Variants in NEGR1 observed in about 807,000 individuals in gnomAD.
NEGR1 encodes neuronal growth regulator 1, also known as IgLON family member 4.
Under a neutral mutation model 40.9 loss-of-function variants are expected in NEGR1, and 10 were observed. The observed-to-expected ratio is 0.24, with a 90% CI of 0.15 to 0.42. NEGR1 has a LOEUF of 0.42. NEGR1 is among the 10% of genes least tolerant of loss of function. The pLI is 1.00. For missense variants in NEGR1, 352 were observed against 438.9 expected (o/e 0.80, Z 1.77); for synonymous variants, 185 against 166.8 (o/e 1.11, Z -0.84).
chr1:71,804,447 T>TA (rs1657678382), intron 2 of NEGR1, among the ~76,000 whole-genome samples: 1 of 150,178 alleles, frequency 6.7e-6, no homozygotes, highest in Non-Finnish European at 1.5e-5. Context: ...ACATGTGGAA[T>TA]CACAGTGTTG....
chr1:71,938,848 G>A (rs1241662941), intron 1 of NEGR1, among the ~76,000 whole-genome samples: 2 of 152,072 alleles, frequency 1.3e-5, no homozygotes, highest in Non-Finnish European at 2.9e-5. Context: ...GGATTATTGA[G>A]ATTCTCTGAG....
At chr1:71,535,136 T>A (rs926182610) in intron 6 of NEGR1, among the ~76,000 whole-genome samples, 2 of 151,666 alleles carry the variant, frequency 1.3e-5, no homozygotes, top group Non-Finnish European at 3.0e-5. Flanking sequence ...AAGCATAAAA[T>A]GGCTTGAAAG....
chr1:71,442,568 T>A (rs941218624), intron 6 of NEGR1, among the ~76,000 whole-genome samples: 12 of 152,154 alleles, frequency 7.9e-5, no homozygotes, highest in Non-Finnish European at 1.5e-4. Flanking sequence ...GAGCCAAGAT[T>A]GTGCAACTGC....
intron 2 of NEGR1, among the ~76,000 whole-genome samples, chr1:71,868,471 AATACATACATAC>A (rs56859630): frequency 0.016 from 2,323 of 148,084 alleles, 66 homozygotes; most frequent in African/African-American, 0.055. Flanking sequence ...AGATAGACAG[AATACATACATAC>A]ATACATACAT....
intron 6 of NEGR1, among the ~76,000 whole-genome samples, chr1:71,419,127 C>T (rs1646376079): frequency 6.6e-6 from 1 of 152,140 alleles, no homozygotes; most frequent in African/African-American, 2.4e-5. Flanking sequence ...TATTATTGGA[C>T]TGGCTTTCCC....
chr1:71,972,645 A>C (rs976299271), intron 1 of NEGR1, among the ~76,000 whole-genome samples: 3 of 152,134 alleles, frequency 2.0e-5, no homozygotes, highest in Admixed American at 6.5e-5. Context: ...AATCTTACCA[A>C]ATAGCTACGA....
chr1:72,227,903 T>C lies in NEGR1; in HGVS notation c.176+54416A>G, dbSNP rs551786572. Reference sequence around the variant, plus strand: ...AGCCAGACTGCCTGAAATAGAACACTGCCTTCTTCTATTATGGTGTTTCCC... The same window carrying C: ...AGCCAGACTGCCTGAAATAGAACACCGCCTTCTTCTATTATGGTGTTTCCC... On this transcript the variant is annotated intron_variant, in intron 1 of 6. Transcript: ENST00000357731. Among the ~76,000 whole-genome samples, 276 of 152,274 alleles carry C rather than the reference T, an allele frequency of 1.8e-3. 1 individual carries two copies. Among genetic ancestry groups the C allele is most frequent in the South Asian group, 2.1e-3 (10 of 4,832 alleles).
intron 2 of NEGR1, among the ~76,000 whole-genome samples, chr1:71,850,043 T>A (rs989582781): frequency 4.1e-4 from 62 of 152,186 alleles, no homozygotes; most frequent in African/African-American, 1.4e-3. Flanking sequence ...GTATACTTTA[T>A]GGAATGTCTA....
chr1:71,541,838 A>G (rs1647714544), intron 6 of NEGR1, among the ~76,000 whole-genome samples: 1 of 151,820 alleles, frequency 6.6e-6, no homozygotes, highest in Non-Finnish European at 1.5e-5. Context: ...AAAGCCATGA[A>G]GGGTGACCAG....
At chr1:72,233,611 C>T (rs556834995) in intron 1 of NEGR1, among the ~76,000 whole-genome samples, 6 of 152,058 alleles carry the variant, frequency 3.9e-5, no homozygotes, top group African/African-American at 7.2e-5. Flanking sequence ...TATGTTGCTG[C>T]GAAGGACAAG....
chr1:72,091,429 TTCCC>T (rs1648492368), intron 1 of NEGR1, among the ~76,000 whole-genome samples: 1 of 116,350 alleles, frequency 8.6e-6, no homozygotes, highest in African/African-American at 3.2e-5. Context: ...CCTTCCCTCC[TTCCC>T]TCCCTCCCTA....
At chr1:71,677,680 T>A (rs1161562301) in intron 4 of NEGR1, among the ~76,000 whole-genome samples, 1 of 152,180 alleles carries the variant, frequency 6.6e-6, no homozygotes, top group African/African-American at 2.4e-5. Flanking sequence ...ACGGAGCATG[T>A]GTTTCATTCT....
chr1:72,162,217 C>T (rs367895362), intron 1 of NEGR1, among the ~76,000 whole-genome samples: 1 of 151,472 alleles, frequency 6.6e-6, no homozygotes, highest in Admixed American at 6.6e-5. Context: ...TTTGAGAGGC[C>T]GAGGCGGGTG....
chr1:72,129,985 GA>G (rs1390108555), intron 1 of NEGR1, among the ~76,000 whole-genome samples: 1 of 151,986 alleles, frequency 6.6e-6, no homozygotes, highest in African/African-American at 2.4e-5. Context: ...TCACCCCCTA[GA>G]TACACTTCTT....
chr1:72,071,795 T>C (rs903105577), intron 1 of NEGR1, among the ~76,000 whole-genome samples: 6 of 152,132 alleles, frequency 3.9e-5, no homozygotes, highest in Non-Finnish European at 4.4e-5. Context: ...CTTTTTTCTA[T>C]GTTAGCATTT....
chr1:72,114,704 A>G (rs1012419002), intron 1 of NEGR1, among the ~76,000 whole-genome samples: 1 of 151,782 alleles, frequency 6.6e-6, no homozygotes, highest in African/African-American at 2.4e-5. Flanking sequence ...ATGGTGTTGG[A>G]ACACATTCCG....
chr1:72,110,062 G>A (rs1649293228), intron 1 of NEGR1, among the ~76,000 whole-genome samples: 5 of 151,292 alleles, frequency 3.3e-5, no homozygotes, highest in Admixed American at 1.3e-4. Context: ...CCTGGCTGGG[G>A]AGACATGAGG....
intron 6 of NEGR1, among the ~76,000 whole-genome samples, chr1:71,534,192 C>T (rs1426085057): frequency 1.3e-5 from 2 of 151,624 alleles, no homozygotes. Context: ...ATTTCCAGTC[C>T]CTTTGGAACT....
At chr1:71,752,422 T>C (rs562222162) in intron 3 of NEGR1, among the ~76,000 whole-genome samples, 52 of 152,276 alleles carry the variant, frequency 3.4e-4, no homozygotes, top group African/African-American at 1.2e-3. Flanking sequence ...ACTCCTGATC[T>C]AGAGGAAACA....
Sources: allele counts gnomAD v4.1 joint callset (sites outside exome capture counted in the v4.1 genomes callset), GRCh38; gene constraint gnomAD v4.1.1; transcripts MANE v1.5; gene names NCBI Gene and HGNC (gene_info 2026-07-23, HGNC 2026-07-21).